CDH12: variants seen among roughly 807,000 people sequenced by gnomAD.
CDH12 encodes cadherin 12.
A neutral mutation model predicts 74.1 loss-of-function variants in CDH12; 41 were observed. That is an observed-to-expected ratio of 0.55 (90% CI 0.43 to 0.72). The LOEUF (loss-of-function observed/expected upper bound fraction) is 0.72, where lower values mean the gene tolerates loss of function less well. Ranked by LOEUF, CDH12 falls within the 30% of genes least tolerant of loss-of-function variation. The pLI is 0.00. For missense variants in CDH12, 945 were observed against 977.2 expected (o/e 0.97, Z 0.44); for synonymous variants, 399 against 355.0 (o/e 1.12, Z -1.39).
chr5:22,112,453 T>C (rs1435577453), intron 4 of CDH12, among the ~76,000 whole-genome samples: 6 of 152,188 alleles, frequency 3.9e-5, no homozygotes, highest in African/African-American at 9.7e-5. Flanking sequence ...ATTATGTTTT[T>C]TAGTCAGATG....
At chr5:22,348,143 C>T (rs914592670) in intron 3 of CDH12, among the ~76,000 whole-genome samples, 1 of 152,178 alleles carries the variant, frequency 6.6e-6, no homozygotes, top group African/African-American at 2.4e-5. Context: ...GCAGCAGCGA[C>T]CACCACAGCC....
chr5:22,502,161 A>C (rs566648962), intron 2 of CDH12, among the ~76,000 whole-genome samples: 1 of 152,010 alleles, frequency 6.6e-6, no homozygotes, highest in East Asian at 1.9e-4. Flanking sequence ...AGTTCCTATA[A>C]CTCCCACATG....
At chr5:21,816,898 TTTAA>T in intron 9 of CDH12, 43 bp downstream of exon 9, 3 of 1,192,888 alleles carry the variant, frequency 2.5e-6, no homozygotes, top group South Asian at 1.7e-5. Flanking sequence ...TTTTATCTTC[TTTAA>T]TTATTATTTA....
At chr5:22,516,118 C>T (rs914552399) in intron 1 of CDH12, among the ~76,000 whole-genome samples, 10 of 152,000 alleles carry the variant, frequency 6.6e-5, no homozygotes, top group African/African-American at 2.4e-4. Flanking sequence ...AAACTAAGGA[C>T]ATAATGAGAT....
chr5:22,736,572 G>T lies in CDH12; in HGVS notation c.-523+116486C>A, dbSNP rs115975891. Among the ~76,000 whole-genome samples the T allele has an allele frequency of 7.5e-3, 1,134 of 151,216 alleles. 11 individuals are homozygous for T. Among genetic ancestry groups the T allele is most frequent in the African/African-American group, 0.026 (1,058 of 41,316 alleles). ...TTAGAGTCAGCGTTTTTTTTTACTT[G>T]AAAATTTATTTTAATTGAGGGATAC... On this transcript the variant is annotated intron_variant, in intron 1 of 14. Transcript: ENST00000382254.
At chr5:22,673,321 G>A (rs926897886) in intron 1 of CDH12, among the ~76,000 whole-genome samples, 2 of 152,010 alleles carry the variant, frequency 1.3e-5, no homozygotes, top group African/African-American at 4.8e-5. Context: ...CAAAACAAAG[G>A]TTCTTCCTGG....
intron 1 of CDH12, among the ~76,000 whole-genome samples, chr5:22,843,179 A>C (rs942118761): frequency 6.6e-6 from 1 of 152,070 alleles, no homozygotes; most frequent in African/African-American, 2.4e-5. Flanking sequence ...AAAATATAGT[A>C]ATTTTTCAGG....
At chr5:21,861,842 T>C (rs1041890993) in intron 6 of CDH12, among the ~76,000 whole-genome samples, 7 of 151,984 alleles carry the variant, frequency 4.6e-5, no homozygotes, top group Non-Finnish European at 1.0e-4. Flanking sequence ...ATCCTAATTA[T>C]ATGTATTTTT....
intron 3 of CDH12, among the ~76,000 whole-genome samples, chr5:22,362,732 C>A (rs1049771139): frequency 1.3e-5 from 2 of 151,718 alleles, no homozygotes; most frequent in African/African-American, 4.8e-5. Context: ...ACATATATAC[C>A]ATGGAATACT....
rs146923917 is a variant in CDH12, at chr5:21,804,592, TAGAAA to T, written c.1003-2177_1003-2173del. ...GTTATTAACGAGAGTAAATTTAGAT[TAGAAA>T]AAAGAGAAAACCTCTAATAAATAAA... On this transcript the variant is annotated intron_variant, in intron 9 of 14. Transcript: ENST00000382254. Among the ~76,000 whole-genome samples the T allele has an allele frequency of 7.6e-3, 1,100 of 145,022 alleles. 16 individuals carry two copies. The highest frequency in any genetic ancestry group is 0.027 in the African/African-American group (1,065 of 39,618).
At chr5:22,164,484 G>T (rs922166864) in intron 4 of CDH12, among the ~76,000 whole-genome samples, 1 of 152,188 alleles carries the variant, frequency 6.6e-6, no homozygotes, top group African/African-American at 2.4e-5. Context: ...GGTCTGTGAC[G>T]GCGGCAAAAC....
rs188928490 is a variant in CDH12, at chr5:21,905,606, C to T, written c.527-50816G>A. On this transcript the variant is annotated intron_variant, in intron 6 of 14. Transcript: ENST00000382254. ...TACCCGATCACTCTCTCTCAGACTC[C>T]CAATTCCAGTCAAACAACTCTCCTT... 3.2e-4 allele frequency among the ~76,000 whole-genome samples: 49 copies of T among 152,322 alleles called. 1 individual carries two copies. Among genetic ancestry groups the T allele is most frequent in the Admixed American group, 3.1e-3 (48 of 15,290 alleles).
At chr5:22,335,145 T>TG (rs1254952781) in intron 3 of CDH12, among the ~76,000 whole-genome samples, 2 of 152,080 alleles carry the variant, frequency 1.3e-5, no homozygotes, top group Non-Finnish European at 2.9e-5. Context: ...CAACTCTATG[T>TG]GAAAAAAAAA....
At chr5:22,476,581 T>A (rs1228258381) in intron 2 of CDH12, among the ~76,000 whole-genome samples, 1 of 152,144 alleles carries the variant, frequency 6.6e-6, no homozygotes, top group African/African-American at 2.4e-5. Context: ...TGCTGCTGAC[T>A]ACATAGTATT....
intron 5 of CDH12, among the ~76,000 whole-genome samples, chr5:21,988,381 ACTCGG>A (rs1757602616): frequency 6.6e-6 from 1 of 150,670 alleles, no homozygotes; most frequent in Non-Finnish European, 1.5e-5. Flanking sequence ...AGTCCCAGCT[ACTCGG>A]GAGGCTGAGG....
chr5:22,371,215 A>C (rs1741273757), intron 3 of CDH12, among the ~76,000 whole-genome samples: 1 of 152,182 alleles, frequency 6.6e-6, no homozygotes, highest in Non-Finnish European at 1.5e-5. Flanking sequence ...ACAGAATTCA[A>C]ATATTTGATG....
intron 1 of CDH12, among the ~76,000 whole-genome samples, chr5:22,752,075 T>A (rs1290150517): frequency 6.6e-6 from 1 of 152,198 alleles, no homozygotes; most frequent in Non-Finnish European, 1.5e-5. Context: ...GCAAATCTCA[T>A]ACTAGCTATT....
intron 5 of CDH12, among the ~76,000 whole-genome samples, chr5:21,997,956 G>A (rs1022832804): frequency 2.0e-5 from 3 of 152,098 alleles, no homozygotes; most frequent in African/African-American, 4.8e-5. Context: ...TTTGAGGGAT[G>A]AGAATGTGTT....
chr5:22,167,221 G>A (rs1748735925), intron 4 of CDH12, among the ~76,000 whole-genome samples: 1 of 152,156 alleles, frequency 6.6e-6, no homozygotes. Context: ...CACTGTGTTA[G>A]AATCTCTCTG....
Sources: gnomAD v4.1 joint callset for allele counts (sites outside exome capture counted in the v4.1 genomes callset) on GRCh38, gnomAD v4.1.1 for gene constraint, MANE v1.5 for transcripts, NCBI Gene and HGNC (gene_info 2026-07-23, HGNC 2026-07-21) for gene names.